DGKE: variants seen among roughly 807,000 people sequenced by gnomAD.
DGKE encodes the protein DAG kinase epsilon.
In DGKE, 53 loss-of-function variants were observed where a neutral mutation model predicts 70.0. That is an observed-to-expected ratio of 0.76 (90% CI 0.61 to 0.95). The LOEUF (loss-of-function observed/expected upper bound fraction) is 0.95. Among genes scored for constraint, DGKE ranks in the 40% least tolerant of loss-of-function variants. The pLI, the probability that DGKE is intolerant of heterozygous loss-of-function variation, is 0.00. For synonymous variants in DGKE, 291 were observed against 257.0 expected, an observed-to-expected ratio of 1.13 and a Z score of -1.27; for missense variants, 655 against 706.9, an observed-to-expected ratio of 0.93 and a Z score of 0.83.
chr17:56,845,706 G>T lies in DGKE; in HGVS notation c.641G>T (p.Gly214Val), dbSNP rs1210748351. 1 of 1,609,630 alleles carries T rather than the reference G, an allele frequency of 6.2e-7. No individual in the cohort carries two copies. The highest frequency in any genetic ancestry group is 2.2e-5 in the East Asian group (1 of 44,628). The change falls in exon 4 of 12, where the codon GGA becomes GTA. Residue 214 changes from glycine (G) to valine (V), a missense_variant. By Grantham distance (109) the Gly-to-Val change is moderately radical. Coordinates refer to ENST00000284061, the MANE Select transcript of DGKE (RefSeq NM_003647.3). ...TTTTTTTAGCTAGCCTCTAAGCTTG[G>T]AAAGCAGTGGACCCCATTAATAATC... Reference protein sequence around the residue: ...TDYEVLASKLGKQWTPLIILA... With the variant: ...TDYEVLASKLVKQWTPLIILA...
intron 9 of DGKE, among the ~76,000 whole-genome samples, chr17:56,861,004 C>G (rs775183779): frequency 1.7e-4 from 26 of 152,104 alleles, no homozygotes; most frequent in East Asian, 3.8e-4. Context: ...TTTTAAGTGT[C>G]GATCCAACCG....
intron 2 of DGKE, among the ~76,000 whole-genome samples, chr17:56,836,633 A>G (rs1434845457): frequency 6.6e-6 from 1 of 152,206 alleles, no homozygotes; most frequent in African/African-American, 2.4e-5. Flanking sequence ...TAAAAATGCA[A>G]ATCTGATCAA....
intron 8 of DGKE, among the ~76,000 whole-genome samples, chr17:56,857,721 T>C (rs1908031987): frequency 6.6e-6 from 1 of 152,198 alleles, no homozygotes; most frequent in Non-Finnish European, 1.5e-5. Flanking sequence ...CTAATTCGAA[T>C]ATTTTTCTTT....
chr17:56,862,266 G>A lies in DGKE; in HGVS notation c.1524+15G>A. On this transcript the variant is annotated intron_variant, in intron 11 of 11. Coordinates refer to ENST00000284061, the MANE Select transcript of DGKE (RefSeq NM_003647.3). The stretch of plus-strand genomic sequence containing the variant: ...ATACAGTGAGGGTAGGTGAAATATA[G>A]CTGTAACAGGCTAATTTGTCCCAAT... 1 of 1,592,896 alleles carries A rather than the reference G, an allele frequency of 6.3e-7. No homozygotes were observed. Among genetic ancestry groups the A allele is most frequent in the Non-Finnish European group, 8.6e-7 (1 of 1,161,290 alleles).
At chr17:56,842,592 A>G (rs887005784) in intron 2 of DGKE, among the ~76,000 whole-genome samples, 2 of 152,244 alleles carry the variant, frequency 1.3e-5, no homozygotes, top group African/African-American at 4.8e-5. Context: ...TCTCTGTAAC[A>G]GATTATGCAG....
chr17:56,845,610 A>C, intron 3 of DGKE, 80 bp from the exon 4 acceptor site: 1 of 1,403,324 alleles, frequency 7.1e-7, no homozygotes, highest in South Asian at 1.6e-5. Context: ...AAATTATAGC[A>C]CCATTGTTCT....
Position 56,856,529 on chromosome 17 carries a change from C to T in DGKE, c.1116C>T (p.Asn372=), listed in dbSNP as rs1355644792. Residue 372 remains asparagine (N), a synonymous_variant, in exon 8 of 12, where the codon AAC becomes AAT. Transcript: ENST00000284061. ...TCTCACAGGAATTCACAATGAACAACTATTTTTCTGTTGGACCTGATGCTC... is the reference window on the plus strand; with the variant it reads ...TCTCACAGGAATTCACAATGAACAATTATTTTTCTGTTGGACCTGATGCTC... ...LRKPKEFTMN[N]YFSVGPDALM... 34 of 1,613,154 alleles carry T rather than the reference C, an allele frequency of 2.1e-5. No individual in the cohort carries two copies. The highest frequency in any genetic ancestry group is 2.8e-5 in the Non-Finnish European group (33 of 1,179,744).
intron 8 of DGKE, among the ~76,000 whole-genome samples, chr17:56,858,240 A>G (rs1177250483): frequency 6.6e-6 from 1 of 152,240 alleles, no homozygotes; most frequent in Non-Finnish European, 1.5e-5. Flanking sequence ...CTTTTAAACT[A>G]TTAATAGCCT....
chr17:56,848,114 C>CTATA (rs756870965), intron 5 of DGKE, 49 bp downstream of exon 5: 75 of 876,138 alleles, frequency 8.6e-5, no homozygotes, highest in East Asian at 1.5e-4. Context: ...GATAAATATA[C>CTATA]TATACATATA....
At chr17:56,843,224 G>A (rs1025767236) in intron 2 of DGKE, among the ~76,000 whole-genome samples, 4 of 152,062 alleles carry the variant, frequency 2.6e-5, no homozygotes, top group Admixed American at 6.6e-5. Flanking sequence ...AATTAAAACT[G>A]ATAAATTTTT....
At chr17:56,846,592 G>A (rs1438843025) in intron 4 of DGKE, among the ~76,000 whole-genome samples, 2 of 151,712 alleles carry the variant, frequency 1.3e-5, no homozygotes, top group Non-Finnish European at 2.9e-5. Context: ...AAAAGGGATC[G>A]TTAAAATTGA....
Position 56,845,745 on chromosome 17 carries a change from G to C in DGKE, c.680G>C (p.Arg227Pro). The change falls in exon 4 of 12, where the codon CGT becomes CCT. Residue 227 changes from arginine (R) to proline (P), a missense_variant. Physicochemically the swap from Arg to Pro is moderately radical, Grantham distance 103. Coordinates refer to ENST00000284061, the MANE Select transcript of DGKE (RefSeq NM_003647.3). ...WTPLIILANS[R>P]SGTNMGEGLL... ...CCATTAATAATCCTGGCCAACTCTCGTAGTGGAACTAATATGGGAGAAGGA... is the reference window on the plus strand; with the variant it reads ...CCATTAATAATCCTGGCCAACTCTCCTAGTGGAACTAATATGGGAGAAGGA... 6.2e-7 allele frequency: 1 copy of C among 1,612,744 alleles called. No individual in the cohort carries two copies. The highest frequency in any genetic ancestry group is 1.1e-5 in the South Asian group (1 of 90,966).
chr17:56,848,270 A>G (rs1311991922), intron 5 of DGKE, among the ~76,000 whole-genome samples: 3 of 151,806 alleles, frequency 2.0e-5, no homozygotes, highest in Admixed American at 1.3e-4. Context: ...CCATCCTCCC[A>G]CCTCAGCCTA....
chr17:56,848,633 A>C (rs1907456193), intron 5 of DGKE, 63 bp from the exon 6 acceptor site: 4 of 1,552,264 alleles, frequency 2.6e-6, no homozygotes, highest in Non-Finnish European at 3.5e-6. Flanking sequence ...TAAATTTTAC[A>C]AAATATTATT....
intron 2 of DGKE, among the ~76,000 whole-genome samples, chr17:56,839,258 A>T (rs560135145): frequency 6.6e-6 from 1 of 152,258 alleles, no homozygotes; most frequent in South Asian, 2.1e-4. Flanking sequence ...GGCTTAGGGT[A>T]TTCATTTTGC....
Position 56,834,963 on chromosome 17 carries a change from C to A in DGKE, c.168C>A (p.Arg56=). 6.2e-7 allele frequency: 1 copy of A among 1,613,150 alleles called. No homozygotes were observed. The highest frequency in any genetic ancestry group is 8.5e-7 in the Non-Finnish European group (1 of 1,179,982). The part of the protein sequence containing the change: ...RRQLHRRDIF[R]KSKHGWRDTD... The stretch of plus-strand genomic sequence containing the variant: ...AGCTGCACCGCAGGGACATCTTCCG[C>A]AAGAGCAAGCACGGGTGGCGCGACA... Residue 56 remains arginine (R), a synonymous_variant, in exon 2 of 12, where the codon CGC becomes CGA. Coordinates refer to ENST00000284061, the MANE Select transcript of DGKE (RefSeq NM_003647.3).
chr17:56,842,635 G>A (rs1907057514), intron 2 of DGKE, among the ~76,000 whole-genome samples: 1 of 152,202 alleles, frequency 6.6e-6, no homozygotes, highest in Non-Finnish European at 1.5e-5. Flanking sequence ...AATAGGACTC[G>A]AGTATACAGC....
rs374245078 is a variant in DGKE at position 56,849,236 on chromosome 17, T to A, written c.1098+4T>A. The A allele has an allele frequency of 1.9e-6, 3 of 1,609,692 alleles. No individual in the cohort carries two copies. The highest frequency in any genetic ancestry group is 2.5e-6 in the Non-Finnish European group (3 of 1,178,670). On this transcript the variant is annotated splice_donor_region_variant and intron_variant, in intron 7 of 11. Transcript: ENST00000284061. The stretch of plus-strand genomic sequence containing the variant: ...CTACAACTTAAGAAAACCCAAGGTA[T>A]GTTGTTAGTGCCTCAGTTGCAAGTG...
chr17:56,858,324 T>C (rs1317958143), intron 8 of DGKE, among the ~76,000 whole-genome samples: 1 of 152,180 alleles, frequency 6.6e-6, no homozygotes, highest in Non-Finnish European at 1.5e-5. Flanking sequence ...TATTTTTACA[T>C]TGTGTTTTGA....
Sources: allele counts gnomAD v4.1 joint callset (sites outside exome capture counted in the v4.1 genomes callset), GRCh38; gene constraint gnomAD v4.1.1; transcripts MANE v1.5; gene names NCBI Gene and HGNC (gene_info 2026-07-23, HGNC 2026-07-21).